The following EMILIN1 variants were observed in gnomAD, a reference collection of about 807,000 sequenced individuals.
EMILIN1 encodes the protein elastin microfibril interfacer 1, also known as EMILIN-1.
Under a neutral mutation model 82.4 loss-of-function variants are expected in EMILIN1, and 49 were observed. The observed-to-expected ratio is 0.59, with a 90% CI of 0.47 to 0.75. The LOEUF (loss-of-function observed/expected upper bound fraction) is 0.75, where lower values mean the gene tolerates loss of function less well. Among genes scored for constraint, EMILIN1 ranks in the 30% least tolerant of loss-of-function variants. EMILIN1 has a pLI of 0.00. For synonymous variants in EMILIN1, 604 were observed against 602.2 expected, an observed-to-expected ratio of 1.00 and a Z score of -0.04; for missense variants, 1,313 against 1,366.4, an observed-to-expected ratio of 0.96 and a Z score of 0.62.
chr2:27,081,943 CTTTT>C (rs892090980), intron 3 of EMILIN1, 136 bp from the exon 4 acceptor site: 1 of 1,067,178 alleles, frequency 9.4e-7, no homozygotes, highest in South Asian at 1.8e-5. Flanking sequence ...AATGGAGTTT[CTTTT>C]TTTTTCTCTT....
At chr2:27,085,035 G>C (rs376414580) in intron 6 of EMILIN1, 27 bp downstream of exon 6, 12 of 1,613,692 alleles carry the variant, frequency 7.4e-6, no homozygotes, top group Non-Finnish European at 1.0e-5. Flanking sequence ...TGATTCTGGA[G>C]GGAGAAGTGA....
chr2:27,084,592 C>T (rs1380685403), intron 5 of EMILIN1, 61 bp downstream of exon 5: 1 of 989,426 alleles, frequency 1.0e-6, no homozygotes, highest in African/African-American at 1.6e-5. Context: ...AACCCTGACC[C>T]CCGCTGGCAG....
Position 27,083,732 on chromosome 2 carries a change from C to T in EMILIN1, c.2161C>T (p.Pro721Ser). 1 of 1,613,758 alleles carries T rather than the reference C, an allele frequency of 6.2e-7. No homozygotes were observed. Among genetic ancestry groups the T allele is most frequent in the Non-Finnish European group, 8.5e-7 (1 of 1,179,690 alleles). Residue 721 changes from proline to serine, a missense_variant, in exon 4 of 8, where the codon CCC (proline) becomes TCC (serine). Coordinates refer to ENST00000380320, the MANE Select transcript of EMILIN1 (RefSeq NM_007046.4). The part of the protein sequence containing the change: ...EEGQAQAGQC[P>S]SLEGRLGRLE... ...GGGACAAGCACAGGCCGGCCAGTGC[C>T]CCAGCTTAGAGGGGCGATTGGGCCG...
At chr2:27,084,375 C>G in intron 4 of EMILIN1, 40 bp from the exon 5 acceptor site, 1 of 1,263,130 alleles carries the variant, frequency 7.9e-7, no homozygotes, top group South Asian at 1.2e-5. Context: ...ATTGGAAACT[C>G]CTTTTATGGC....
Position 27,085,919 on chromosome 2 carries a change from C to T in EMILIN1, c.2955C>T (p.Val985=), listed in dbSNP as rs897714188. 2 of 1,551,042 alleles carry T rather than the reference C, an allele frequency of 1.3e-6. No individual in the cohort carries two copies. Among genetic ancestry groups the T allele is most frequent in the African/African-American group, 2.7e-5 (2 of 73,368 alleles). Residue 985 remains valine (V), a synonymous_variant, in exon 8 of 8, where the codon GTC becomes GTT. Transcript: ENST00000380320. ...TGCAGGCCGGGGACACGGTCTGCGT[C>T]GACCTGGTCATGGGGCAGCTGGCGC... ...LPLQAGDTVC[V]DLVMGQLAHS...
chr2:27,085,260 C>G lies in EMILIN1; in HGVS notation c.2676C>G (p.Val892=). The G allele has an allele frequency of 6.2e-7, 1 of 1,614,124 alleles. No homozygotes were observed. The highest frequency in any genetic ancestry group is 1.1e-5 in the South Asian group (1 of 91,086). Residue 892 remains valine (V), a synonymous_variant, in exon 7 of 8, where the codon GTC becomes GTG. Transcript: ENST00000380320. ...CAGGCACGGTCCCCTTCGACAGAGTCCTGCTCAATGATGGAGGCTATTATG... is the reference window on the plus strand; with the variant it reads ...CAGGCACGGTCCCCTTCGACAGAGTGCTGCTCAATGATGGAGGCTATTATG... ...SEPGTVPFDR[V]LLNDGGYYDP...
chr2:27,085,949 G>A lies in EMILIN1; in HGVS notation c.2985G>A (p.Ser995=), dbSNP rs747245485. 2.0e-6 allele frequency: 3 copies of A among 1,518,706 alleles called. No individual in the cohort carries two copies. The highest frequency in any genetic ancestry group is 2.5e-5 in the South Asian group (2 of 81,288). 94.1% of individuals were successfully genotyped at this position (1,518,706 alleles called of 1,614,324 possible). The part of the protein sequence containing the change: ...VDLVMGQLAH[S]EEPLTIFSGA... The stretch of plus-strand genomic sequence containing the variant: ...TGGTCATGGGGCAGCTGGCGCACTC[G>A]GAGGAGCCGCTCACCATCTTCAGCG... Residue 995 remains serine, a synonymous_variant, in exon 8 of 8, where the codon TCG becomes TCA. Coordinates refer to ENST00000380320, the MANE Select transcript of EMILIN1 (RefSeq NM_007046.4).
In EMILIN1 at chr2:27,082,512, GGCA is replaced by G; in HGVS notation, c.949_951del (p.Gln317del). On this transcript the variant is annotated inframe_deletion, in exon 4 of 8. Transcript: ENST00000380320. Reference sequence around the variant, plus strand: ...CTGGCCGGGCTAGATGGCTTCCGCCGGCAGCAGCAGGAGGACAGGGAGCGGCTG... The same window carrying G: ...CTGGCCGGGCTAGATGGCTTCCGCCGGCAGCAGGAGGACAGGGAGCGGCTG... 5 of 1,545,528 alleles carry G rather than the reference GGCA, an allele frequency of 3.2e-6. No homozygotes were observed. The highest frequency in any genetic ancestry group is 4.4e-6 in the Non-Finnish European group (5 of 1,145,714).
chr2:27,079,547 G>A (rs1190207336), intron 1 of EMILIN1, among the ~76,000 whole-genome samples: 1 of 152,112 alleles, frequency 6.6e-6, no homozygotes, highest in Non-Finnish European at 1.5e-5. Flanking sequence ...GAGAACTTTT[G>A]TCCCCTTCTA....
chr2:27,078,933 G>A lies in EMILIN1; in HGVS notation c.-133G>A. 3.2e-6 allele frequency: 2 copies of A among 620,470 alleles called. No homozygotes were observed. Among genetic ancestry groups the A allele is most frequent in the Non-Finnish European group, 5.2e-6 (2 of 383,038 alleles). 38.4% of individuals were successfully genotyped at this position (620,470 alleles called of 1,614,324 possible). ...CCAAGGAGAAGACGTGTGGCCGGGG[G>A]CTATCAGAAGGAAACTGGGACGGAC... On this transcript the variant is annotated 5_prime_UTR_variant, in exon 1 of 8. Transcript: ENST00000380320.
intron 5 of EMILIN1, 59 bp downstream of exon 5, chr2:27,084,590 C>T (rs1572847953): frequency 5.0e-6 from 5 of 1,003,912 alleles, no homozygotes; most frequent in East Asian, 4.8e-5. Context: ...CCAACCCTGA[C>T]CCCCGCTGGC....
At position 27,082,919 on chromosome 2, in the gene EMILIN1, G is replaced by A. The variant is rs570508845; in HGVS notation, c.1348G>A (p.Gly450Arg). 217 of 1,597,146 alleles carry A rather than the reference G, an allele frequency of 1.4e-4. No individual in the cohort carries two copies. The highest frequency in any genetic ancestry group is 1.8e-4 in the Non-Finnish European group (212 of 1,177,144). ...TGCCCGGGGCCGACTAGAGCAGTTG[G>A]GGGGGCTGCTGGCCAATGTGAGCGG... Reference protein sequence around the residue: ...PAARGRLEQLGGLLANVSGEL... With the variant: ...PAARGRLEQLRGLLANVSGEL... The change falls in exon 4 of 8, where the codon GGG becomes AGG. Residue 450 changes from glycine (G) to arginine (R), a missense_variant. Gly to Arg is a moderately radical substitution (Grantham distance 125). Coordinates refer to ENST00000380320, the MANE Select transcript of EMILIN1 (RefSeq NM_007046.4).
At chr2:27,084,964 T>C (rs763848401) in intron 5 of EMILIN1, 27 bp from the exon 6 acceptor site, 6 of 1,612,050 alleles carry the variant, frequency 3.7e-6, no homozygotes, top group South Asian at 1.1e-5. Flanking sequence ...GCTTTATTTC[T>C]CACTGCTCCC....
At position 27,083,623 on chromosome 2, in the gene EMILIN1, T is replaced by C. The variant is rs765738092; in HGVS notation, c.2052T>C (p.Arg684=). 2 of 1,612,748 alleles carry C rather than the reference T, an allele frequency of 1.2e-6. No homozygotes were observed. The highest frequency in any genetic ancestry group is 1.1e-5 in the South Asian group (1 of 91,004). The stretch of plus-strand genomic sequence containing the variant: ...CTGACCTGGGGGCAACCAAGGACCG[T>C]ATCATTTCTGAGATTAACAGGCTGC... The part of the protein sequence containing the change: ...DLADLGATKD[R]IISEINRLQQ... Residue 684 remains arginine, a synonymous_variant, in exon 4 of 8, where the codon CGT becomes CGC. Coordinates refer to ENST00000380320, the MANE Select transcript of EMILIN1 (RefSeq NM_007046.4).
At chr2:27,084,635 A>G (rs1359402989) in intron 5 of EMILIN1, 104 bp downstream of exon 5, 1 of 722,984 alleles carries the variant, frequency 1.4e-6, no homozygotes, top group Non-Finnish European at 2.5e-6. Flanking sequence ...TGAACTTGAC[A>G]AGGGGAATTG....
At position 27,084,397 on chromosome 2, in the gene EMILIN1, T is replaced by C; in HGVS notation, c.2441-18T>C. ...ACTCCTTTTATGGCCCTCCTTCAAC[T>C]CAATTTTGTCACTGTAGGGCCTGCA... On this transcript the variant is annotated intron_variant, in intron 4 of 7. Coordinates refer to ENST00000380320, the MANE Select transcript of EMILIN1 (RefSeq NM_007046.4). 1 of 1,500,554 alleles carries C rather than the reference T, an allele frequency of 6.7e-7. No individual in the cohort carries two copies. Among genetic ancestry groups the C allele is most frequent in the Non-Finnish European group, 9.2e-7 (1 of 1,088,768 alleles). The allele number at this position is 1,500,554 out of a possible 1,614,324, so 93.0% of individuals were successfully genotyped here.
intron 1 of EMILIN1, 57 bp from the exon 2 acceptor site, chr2:27,080,093 GC>G: frequency 6.2e-7 from 1 of 1,600,354 alleles, no homozygotes; most frequent in South Asian, 1.1e-5. Context: ...TAGCCCCTGG[GC>G]CCTCCTCCAG....
chr2:27,082,937 G>GT lies in EMILIN1; in HGVS notation c.1367dup (p.Ser457GlufsTer52), dbSNP rs775872153. ...GCAGTTGGGGGGGCTGCTGGCCAATGTGAGCGGGGAGCTGGGGGGGCGGTT... is the reference window on the plus strand; with the variant it reads ...GCAGTTGGGGGGGCTGCTGGCCAATGTTGAGCGGGGAGCTGGGGGGGCGGTT... On this transcript the variant is annotated frameshift_variant, in exon 4 of 8. Coordinates refer to ENST00000380320, the MANE Select transcript of EMILIN1 (RefSeq NM_007046.4). LOFTEE classifies it high-confidence loss of function. The GT allele has an allele frequency of 3.8e-6, 6 of 1,581,520 alleles. No individual in the cohort carries two copies. The highest frequency in any genetic ancestry group is 5.2e-6 in the Non-Finnish European group (6 of 1,163,666).
Position 27,083,493 on chromosome 2 carries a change from A to T in EMILIN1, c.1922A>T (p.Gln641Leu). The T allele has an allele frequency of 6.2e-7, 1 of 1,613,680 alleles. No individual in the cohort carries two copies. ...GGGGGCAGCTCAGGCTCAGCCCTGCAGGCCCTGCAAGGAGAGCTCTCTGAG... is the reference window on the plus strand; with the variant it reads ...GGGGGCAGCTCAGGCTCAGCCCTGCTGGCCCTGCAAGGAGAGCTCTCTGAG... ...VFGGSSGSAL[Q>L]ALQGELSEVI... The change falls in exon 4 of 8, where the codon CAG (glutamine) becomes CTG (leucine). Residue 641 changes from glutamine (Q) to leucine (L), a missense_variant. Gln to Leu is a moderately radical substitution (Grantham distance 113). Coordinates refer to ENST00000380320, the MANE Select transcript of EMILIN1 (RefSeq NM_007046.4).
Sources: gnomAD v4.1 joint callset for allele counts (sites outside exome capture counted in the v4.1 genomes callset) on GRCh38, gnomAD v4.1.1 for gene constraint, MANE v1.5 for transcripts, NCBI Gene and HGNC (gene_info 2026-07-23, HGNC 2026-07-21) for gene names.